ABCC6: variants seen among roughly 807,000 people sequenced by gnomAD.
The protein encoded by ABCC6 is ATP-binding cassette sub-family C member 6.
ABCC6 carries 126 observed loss-of-function variants against 169.5 expected under a neutral mutation model. That is an observed-to-expected ratio of 0.74 (90% CI 0.64 to 0.86). ABCC6 has a LOEUF of 0.86. Ranked by LOEUF, ABCC6 falls within the 40% of genes least tolerant of loss-of-function variation. The pLI, the probability that ABCC6 is intolerant of heterozygous loss-of-function variation, is 0.00. For synonymous variants in ABCC6, 752 were observed against 814.7 expected (o/e 0.92, Z 1.31); for missense variants, 1,733 against 1,927.2 (o/e 0.90, Z 1.89).
chr16:16,188,077 A>G (rs1354662098), intron 13 of ABCC6, among the ~76,000 whole-genome samples: 2 of 151,762 alleles, frequency 1.3e-5, no homozygotes, highest in Admixed American at 1.3e-4. Flanking sequence ...TCTCTACTAA[A>G]AACACAATAA....
chr16:16,196,907 G>A (rs945913598), intron 10 of ABCC6, among the ~76,000 whole-genome samples: 1 of 151,950 alleles, frequency 6.6e-6, no homozygotes, highest in African/African-American at 2.4e-5. Context: ...TGGCCAGGCT[G>A]GTCTGGAACT....
At chr16:16,222,468 C>T (rs569072695) in intron 1 of ABCC6, among the ~76,000 whole-genome samples, 112 of 152,258 alleles carry the variant, frequency 7.4e-4, no homozygotes, top group African/African-American at 2.6e-3. Context: ...CTTCGAATTT[C>T]CTGGGCTCAA....
chr16:16,157,521 T>G, intron 27 of ABCC6, 142 bp downstream of exon 27: 3 of 1,083,866 alleles, frequency 2.8e-6, no homozygotes, highest in Non-Finnish European at 2.7e-6. Flanking sequence ...AGGAGTTCAT[T>G]TTAGGGGGTA....
At chr16:16,183,197 G>A (rs946691276) in intron 15 of ABCC6, among the ~76,000 whole-genome samples, 2 of 152,174 alleles carry the variant, frequency 1.3e-5, no homozygotes, top group Admixed American at 6.5e-5. Context: ...GCAACACAAT[G>A]TGGGCACGCA....
rs531359284 is a variant in ABCC6 at position 16,156,402 on chromosome 16, C to A, written c.3882+1261G>T. Among the ~76,000 whole-genome samples the A allele has an allele frequency of 1.8e-4, 27 of 152,250 alleles. No homozygotes were observed. In the East Asian group the frequency reaches 3.9e-3, roughly 22 times the overall value. ...GGGGAACACTCCAGGTAAACCACACCAAGTGGGTTTCCAAAACTAGAAGCT... is the reference window on the plus strand; with the variant it reads ...GGGGAACACTCCAGGTAAACCACACAAAGTGGGTTTCCAAAACTAGAAGCT... On this transcript the variant is annotated intron_variant, in intron 27 of 30. Coordinates refer to ENST00000205557, the MANE Select transcript of ABCC6 (RefSeq NM_001171.6).
intron 22 of ABCC6, among the ~76,000 whole-genome samples, chr16:16,169,311 A>G (rs1245457222): frequency 6.6e-6 from 1 of 152,144 alleles, no homozygotes; most frequent in East Asian, 1.9e-4. Context: ...AGAAGGAGTG[A>G]TAGCGGTGAT....
intron 20 of ABCC6, among the ~76,000 whole-genome samples, chr16:16,174,759 A>ACCCCTCCC (rs200038324): frequency 1.2e-5 from 1 of 84,482 alleles, no homozygotes; most frequent in South Asian, 9.6e-4. Context: ...TCTGTCTCAA[A>ACCCCTCCC]ACCCCCCCCC....
chr16:16,165,815 C>T lies in ABCC6; in HGVS notation c.3114G>A (p.Arg1038=), dbSNP rs1475667555. ...VVRSPISFFE[R]TPIGHLLNRF... is the part of the protein sequence containing the mutation. ...GGTTTAGCAGGTGACCAATGGGTGT[C>T]CGCTCAAAGAAGCTGATGGGAGATC... Residue 1038 remains arginine (R), a synonymous_variant, in exon 23 of 31, where the codon CGG becomes CGA. Transcript: ENST00000205557. 1 of 1,613,532 alleles carries T rather than the reference C, an allele frequency of 6.2e-7. No individual in the cohort carries two copies. Among genetic ancestry groups the T allele is most frequent in the Non-Finnish European group, 8.5e-7 (1 of 1,180,044 alleles).
intron 4 of ABCC6, among the ~76,000 whole-genome samples, 165 bp downstream of exon 4, chr16:16,219,389 T>G (rs1248319917): frequency 6.6e-6 from 1 of 152,120 alleles, no homozygotes; most frequent in Non-Finnish European, 1.5e-5. Flanking sequence ...TGATGGGTAC[T>G]GACAGGTGCG....
rs751435793 is a variant in ABCC6 at position 16,149,929 on chromosome 16, G to A, written c.*204C>T. 4.4e-5 allele frequency: 33 copies of A among 746,028 alleles called. No homozygotes were observed. The East Asian group carries it at 6.9e-4, about 16-fold the overall frequency. The allele number at this position is 746,028 out of a possible 1,614,324, so 46.2% of individuals were successfully genotyped here. The stretch of plus-strand genomic sequence containing the variant: ...GGACAGGGCGAGATGGGCCCTGCCC[G>A]GGCAGACCTGTGTATTGCTAGGTCC... On this transcript the variant is annotated 3_prime_UTR_variant, in exon 31 of 31. Transcript: ENST00000205557.
chr16:16,187,166 C>G lies in ABCC6; in HGVS notation c.1825G>C (p.Glu609Gln). 1.2e-6 allele frequency: 2 copies of G among 1,613,296 alleles called. No individual in the cohort carries two copies. The highest frequency in any genetic ancestry group is 1.7e-6 in the Non-Finnish European group (2 of 1,179,588). ...DRLVTFLCLE[E>Q]VDPGVVDSSS... Reference sequence around the variant, plus strand: ...GAGTCTACGACACCAGGGTCAACTTCTTCCAGGCAGAGGAAGGTGACCAGA... The same window carrying G: ...GAGTCTACGACACCAGGGTCAACTTGTTCCAGGCAGAGGAAGGTGACCAGA... Residue 609 changes from glutamate to glutamine, a missense_variant, in exon 14 of 31, where the codon GAA becomes CAA. By Grantham distance (29) the Glu-to-Gln change is conservative (BLOSUM62 2). This residue lies in a region of ABCC6 where 1,601 missense variants were observed against 1,635.5 expected (regional missense o/e 0.98). Transcript: ENST00000205557.
At chr16:16,172,239 G>A (rs2047124498) in intron 21 of ABCC6, among the ~76,000 whole-genome samples, 3 of 150,846 alleles carry the variant, frequency 2.0e-5, no homozygotes, top group Admixed American at 6.6e-5. Flanking sequence ...ATGGGTGGGT[G>A]GGATGGATAA....
chr16:16,181,999 A>T (rs1227432897), intron 17 of ABCC6: 1 of 259,686 alleles, frequency 3.9e-6, no homozygotes, highest in Non-Finnish European at 7.5e-6. Flanking sequence ...CAGTTTGCCA[A>T]CCCCTGCCCA....
At position 16,161,485 on chromosome 16, in the gene ABCC6, G is replaced by A; in HGVS notation, c.3586C>T (p.His1196Tyr). The change falls in exon 25 of 31, where the codon CAC (histidine) becomes TAC (tyrosine). Residue 1196 changes from histidine (H) to tyrosine (Y), a missense_variant. By Grantham distance (83) the His-to-Tyr change is moderately conservative (BLOSUM62 2). Around this residue, in one of 5 missense-constraint regions of ABCC6, gnomAD observed 1,601 missense variants for 1,635.5 expected, o/e 0.98. Coordinates refer to ENST00000205557, the MANE Select transcript of ABCC6 (RefSeq NM_001171.6). ...AATCAVLSKA[H>Y]LSAGLVGFSV... ...AAGCCCACGAGGCCAGCACTGAGGT[G>A]GGCTTTGCTCAGCACAGCACACGTG... The A allele has an allele frequency of 1.2e-6, 2 of 1,614,002 alleles. No individual in the cohort carries two copies. Among genetic ancestry groups the A allele is most frequent in the Non-Finnish European group, 1.7e-6 (2 of 1,180,034 alleles).
At chr16:16,179,068 G>A in intron 17 of ABCC6, 103 bp from the exon 18 acceptor site, 1 of 1,309,328 alleles carries the variant, frequency 7.6e-7, no homozygotes, top group East Asian at 2.5e-5. Flanking sequence ...TCAGGGTGAG[G>A]TACAGCTCAA....
At chr16:16,176,680 T>C (rs1374527539) in intron 19 of ABCC6, among the ~76,000 whole-genome samples, 1 of 152,192 alleles carries the variant, frequency 6.6e-6, no homozygotes, top group Non-Finnish European at 1.5e-5. Flanking sequence ...ATCCTTGCTT[T>C]GTCATGAAGG....
At chr16:16,174,853 G>A (rs1272002897) in intron 20 of ABCC6, among the ~76,000 whole-genome samples, 5 of 146,376 alleles carry the variant, frequency 3.4e-5, no homozygotes, top group East Asian at 2.3e-4. Context: ...CTCCGCCTCC[G>A]AGGTTCAAGT....
chr16:16,175,820 G>T (rs896875506), intron 20 of ABCC6, 91 bp downstream of exon 20: 1 of 1,416,782 alleles, frequency 7.1e-7, no homozygotes, highest in Non-Finnish European at 9.9e-7. Flanking sequence ...GGTTTTGGTT[G>T]CCCGCCTAAC....
At chr16:16,154,502 T>C in intron 29 of ABCC6, 126 bp downstream of exon 29, 1 of 1,208,912 alleles carries the variant, frequency 8.3e-7, no homozygotes, top group Non-Finnish European at 1.2e-6. Context: ...ATAAGAGACA[T>C]GTGGTTATTA....
Sources: gnomAD v4.1 joint callset for allele counts (sites outside exome capture counted in the v4.1 genomes callset) on GRCh38, gnomAD v4.1.1 for gene constraint, gnomAD v4.1.1 regional missense constraint, MANE v1.5 for transcripts, NCBI Gene and HGNC (gene_info 2026-07-23, HGNC 2026-07-21) for gene names.